The following HHAT variants were observed in gnomAD, a reference collection of about 807,000 sequenced individuals.
HHAT encodes the protein protein-cysteine N-palmitoyltransferase HHAT.
In HHAT, 47 loss-of-function variants were observed where a neutral mutation model predicts 70.8. The observed-to-expected ratio is 0.66, with a 90% CI of 0.53 to 0.85. The LOEUF (loss-of-function observed/expected upper bound fraction) is 0.85, where lower values mean the gene tolerates loss of function less well. HHAT is among the 40% of genes least tolerant of loss of function. The pLI is 0.00. For missense variants in HHAT, 609 were observed against 604.8 expected (o/e 1.01, Z -0.07); for synonymous variants, 228 against 247.6 (o/e 0.92, Z 0.74).
At chr1:210,463,473 C>A (rs575285119) in intron 7 of HHAT, among the ~76,000 whole-genome samples, 3 of 152,244 alleles carry the variant, frequency 2.0e-5, no homozygotes, top group East Asian at 3.9e-4. Context: ...CCACATTTGG[C>A]ATTTATCAGT....
chr1:210,336,943 A>G (rs10489389), intron 1 of HHAT, among the ~76,000 whole-genome samples: 1 of 152,194 alleles, frequency 6.6e-6, no homozygotes, highest in East Asian at 1.9e-4. Flanking sequence ...TTGCTGATTA[A>G]AAAGGCTTAA....
At chr1:210,347,836 A>G (rs1197297887) in intron 1 of HHAT, among the ~76,000 whole-genome samples, 2 of 152,156 alleles carry the variant, frequency 1.3e-5, no homozygotes, top group African/African-American at 2.4e-5. Context: ...GGCTGTTCCA[A>G]TTCTGTTCAA....
At chr1:210,633,924 G>A (rs1671364965) in intron 11 of HHAT, among the ~76,000 whole-genome samples, 2 of 152,142 alleles carry the variant, frequency 1.3e-5, no homozygotes, top group African/African-American at 4.8e-5. Context: ...CAGAGAAGGA[G>A]GCAGCTGCTA....
chr1:210,354,611 C>T (rs2087421586), intron 2 of HHAT, among the ~76,000 whole-genome samples: 1 of 152,116 alleles, frequency 6.6e-6, no homozygotes, highest in Non-Finnish European at 1.5e-5. Flanking sequence ...ATCTTCCTGC[C>T]TCGGCCTCCC....
chr1:210,396,616 A>C (rs971025247), intron 4 of HHAT, among the ~76,000 whole-genome samples: 7 of 152,214 alleles, frequency 4.6e-5, no homozygotes, highest in African/African-American at 1.4e-4. Context: ...ATGAAAACTT[A>C]TTTTTACACA....
At chr1:210,516,497 A>G (rs971757071) in intron 9 of HHAT, among the ~76,000 whole-genome samples, 5 of 152,160 alleles carry the variant, frequency 3.3e-5, no homozygotes, top group Non-Finnish European at 7.3e-5. Context: ...TCTTGTAAAT[A>G]TGTCATTAGA....
upstream of HHAT, among the ~76,000 whole-genome samples, chr1:210,327,702 C>G (rs943142234): frequency 6.6e-6 from 1 of 152,090 alleles, no homozygotes; most frequent in Non-Finnish European, 1.5e-5. Flanking sequence ...GACGGGGTCT[C>G]ACCATGTTGG....
At chr1:210,477,874 G>T (rs1372546482) in intron 8 of HHAT, among the ~76,000 whole-genome samples, 2 of 152,148 alleles carry the variant, frequency 1.3e-5, no homozygotes, top group African/African-American at 4.8e-5. Flanking sequence ...GGTAATGGGG[G>T]CAGTAGCTCA....
At chr1:210,474,114 G>A (rs2094258332) in intron 8 of HHAT, among the ~76,000 whole-genome samples, 1 of 151,904 alleles carries the variant, frequency 6.6e-6, no homozygotes, top group Non-Finnish European at 1.5e-5. Flanking sequence ...CCTAATTTGG[G>A]GATCCACAAG....
chr1:210,472,043 T>G (rs935177785), intron 8 of HHAT, among the ~76,000 whole-genome samples: 4 of 152,204 alleles, frequency 2.6e-5, no homozygotes, highest in Admixed American at 2.0e-4. Flanking sequence ...TCACCACCTT[T>G]GGAAAGTAAA....
intron 9 of HHAT, among the ~76,000 whole-genome samples, chr1:210,527,143 C>G (rs940205249): frequency 6.6e-6 from 1 of 152,070 alleles, no homozygotes; most frequent in African/African-American, 2.4e-5. Context: ...TTAGCCCCAC[C>G]CTTATCACCA....
At chr1:210,555,206 A>G (rs1165527902) in intron 9 of HHAT, among the ~76,000 whole-genome samples, 1 of 152,202 alleles carries the variant, frequency 6.6e-6, no homozygotes, top group Admixed American at 6.5e-5. Context: ...CAGCCTACAG[A>G]CAGAGGCTAC....
At chr1:210,372,116 T>C (rs2089622873) in intron 3 of HHAT, among the ~76,000 whole-genome samples, 1 of 152,210 alleles carries the variant, frequency 6.6e-6, no homozygotes, top group African/African-American at 2.4e-5. Context: ...GTGTGAAGTA[T>C]TTAACAAGGG....
At chr1:210,570,979 T>C (rs1656144710) in intron 9 of HHAT, among the ~76,000 whole-genome samples, 1 of 152,192 alleles carries the variant, frequency 6.6e-6, no homozygotes, top group South Asian at 2.1e-4. Context: ...GTCAGCCTTC[T>C]CTCCTGGCCT....
rs545935014 is a variant in HHAT at position 210,353,484 on chromosome 1, T to C, written c.91+4418T>C. Among the ~76,000 whole-genome samples the C allele has an allele frequency of 1.3e-4, 20 of 151,596 alleles. No individual in the cohort carries two copies. In the East Asian group the frequency reaches 3.7e-3, roughly 28 times the overall value. ...AAAAGCACCTGGGAGGGGAAGTCTT[T>C]GACTATTTCAGTTTACCACCTATTC... is the stretch of plus-strand genomic sequence containing the variant. On this transcript the variant is annotated intron_variant, in intron 2 of 11. Transcript: ENST00000261458.
chr1:210,383,890 T>C (rs2090846612), intron 3 of HHAT, among the ~76,000 whole-genome samples: 1 of 152,186 alleles, frequency 6.6e-6, no homozygotes, highest in African/African-American at 2.4e-5. Context: ...GGTCTGTCAG[T>C]TTCACTGACA....
At chr1:210,515,825 T>C (rs2095046519) in intron 9 of HHAT, among the ~76,000 whole-genome samples, 1 of 151,444 alleles carries the variant, frequency 6.6e-6, no homozygotes, top group Non-Finnish European at 1.5e-5. Context: ...CCCAGCACTT[T>C]GGGAGGCCAA....
At chr1:210,476,370 G>A (rs2094306711) in intron 8 of HHAT, among the ~76,000 whole-genome samples, 1 of 152,224 alleles carries the variant, frequency 6.6e-6, no homozygotes, top group Admixed American at 6.5e-5. Context: ...ACCACAAACT[G>A]TAATTACCTG....
intron 6 of HHAT, among the ~76,000 whole-genome samples, chr1:210,405,073 A>G (rs541566939): frequency 5.8e-4 from 89 of 152,346 alleles, no homozygotes; most frequent in African/African-American, 2.0e-3. Flanking sequence ...TTGCTTGGCA[A>G]ATAGTATGTT....
Sources: gnomAD v4.1 joint callset for allele counts (sites outside exome capture counted in the v4.1 genomes callset) on GRCh38, gnomAD v4.1.1 for gene constraint, MANE v1.5 for transcripts, NCBI Gene and HGNC (gene_info 2026-07-23, HGNC 2026-07-21) for gene names.